Variants in TNFRSF10B observed in about 807,000 individuals in gnomAD.
TNFRSF10B encodes the protein tumor necrosis factor receptor superfamily member 10B.
Under a neutral mutation model 41.4 loss-of-function variants are expected in TNFRSF10B, and 35 were observed. The observed-to-expected ratio is 0.85, with a 90% CI of 0.65 to 1.12. The LOEUF (loss-of-function observed/expected upper bound fraction) is 1.12. Ranked by LOEUF, TNFRSF10B falls within the 50% of genes most tolerant of loss-of-function variation. TNFRSF10B has a pLI of 0.00. For synonymous variants in TNFRSF10B, 230 were observed against 215.5 expected (o/e 1.07, Z -0.59); for missense variants, 584 against 552.7 (o/e 1.06, Z -0.57).
intron 1 of TNFRSF10B, among the ~76,000 whole-genome samples, chr8:23,061,707 C>T (rs904205582): frequency 1.3e-5 from 2 of 152,088 alleles, no homozygotes; most frequent in African/African-American, 4.8e-5. Context: ...TGGAAGTTTT[C>T]TTCTATTCTT....
intron 1 of TNFRSF10B, among the ~76,000 whole-genome samples, chr8:23,064,887 C>A (rs934306675): frequency 6.6e-6 from 1 of 152,122 alleles, no homozygotes; most frequent in Non-Finnish European, 1.5e-5. Flanking sequence ...CTGATTAGTA[C>A]GATCATTACC....
At chr8:23,055,426 C>T (rs571195277) in intron 1 of TNFRSF10B, among the ~76,000 whole-genome samples, 21 of 150,908 alleles carry the variant, frequency 1.4e-4, no homozygotes, top group African/African-American at 5.1e-4. Context: ...CGCAAATTGA[C>T]AGTGGGGATT....
At chr8:23,043,390 G>A in intron 1 of TNFRSF10B, 147 bp from the exon 2 acceptor site, 1 of 659,318 alleles carries the variant, frequency 1.5e-6, no homozygotes, top group Non-Finnish European at 2.7e-6. Flanking sequence ...ATCCTTTAGT[G>A]TTTGTTTGTC....
rs1339083049 is a variant in TNFRSF10B at position 23,021,967 on chromosome 8, A to G, written c.*704T>C. On this transcript the variant is annotated 3_prime_UTR_variant, in exon 9 of 9. Transcript: ENST00000276431. ...TAATAACATACAGAATTATAAAAGT[A>G]GAAAGGTAAGGCCAAGCATGGGGGC... The G allele has an allele frequency of 2.2e-6, 1 of 452,240 alleles. No individual in the cohort carries two copies. Among genetic ancestry groups the G allele is most frequent in the Non-Finnish European group, 4.4e-6 (1 of 225,540 alleles). 28.0% of individuals were successfully genotyped at this position (452,240 alleles called of 1,614,324 possible). A position where few individuals can be genotyped will look rare whatever the true frequency, so the allele number is the denominator to read the frequency against.
chr8:23,047,893 A>G (rs1277671496), intron 1 of TNFRSF10B, among the ~76,000 whole-genome samples: 1 of 152,232 alleles, frequency 6.6e-6, no homozygotes, highest in Non-Finnish European at 1.5e-5. Flanking sequence ...TATCAAGGAG[A>G]TATCTGCACT....
chr8:23,067,484 A>T (rs892175280), intron 1 of TNFRSF10B, among the ~76,000 whole-genome samples: 1 of 152,062 alleles, frequency 6.6e-6, no homozygotes, highest in African/African-American at 2.4e-5. Flanking sequence ...AAACCAAATC[A>T]CTGCAAACCA....
At position 23,027,703 on chromosome 8, in the gene TNFRSF10B, C is replaced by T; in HGVS notation, c.780+19G>A. On this transcript the variant is annotated intron_variant, in intron 6 of 8. Coordinates refer to ENST00000276431, the MANE Select transcript of TNFRSF10B (RefSeq NM_003842.5). ...TTCCTGAACCCCTGAGCCCCCAGCT[C>T]CTGGAGAAATCAACTCACTCTGTCC... 1 of 1,614,086 alleles carries T rather than the reference C, an allele frequency of 6.2e-7. No homozygotes were observed. The highest frequency in any genetic ancestry group is 8.5e-7 in the Non-Finnish European group (1 of 1,179,982).
Position 23,027,153 on chromosome 8 carries a change from CG to C in TNFRSF10B, c.915del (p.Glu307SerfsTer32). ...CTCACCAGCAGATGCTCTGACTCCC[CG>C]GGGGACAACATGTTGACACCTGTTG... is the stretch of plus-strand genomic sequence containing the variant. ...AEPTGVNMLS[P>X]GESEHLLEPA... On this transcript the variant is annotated frameshift_variant, in exon 7 of 9. Coordinates refer to ENST00000276431, the MANE Select transcript of TNFRSF10B (RefSeq NM_003842.5). LOFTEE classifies it high-confidence loss of function. 6.2e-7 allele frequency: 1 copy of C among 1,614,154 alleles called. No homozygotes were observed. Among genetic ancestry groups the C allele is most frequent in the Non-Finnish European group, 8.5e-7 (1 of 1,180,020 alleles).
At chr8:23,049,261 G>C (rs1473614876) in intron 1 of TNFRSF10B, among the ~76,000 whole-genome samples, 1 of 152,140 alleles carries the variant, frequency 6.6e-6, no homozygotes, top group African/African-American at 2.4e-5. Flanking sequence ...ATAAAGGCTG[G>C]GATGTAACAA....
intron 7 of TNFRSF10B, among the ~76,000 whole-genome samples, chr8:23,024,639 C>A (rs1811647495): frequency 6.6e-6 from 1 of 152,022 alleles, no homozygotes; most frequent in Non-Finnish European, 1.5e-5. Flanking sequence ...CCTGCCTCAG[C>A]CTCCCAAGTA....
At chr8:23,056,849 A>G (rs1336504533) in intron 1 of TNFRSF10B, among the ~76,000 whole-genome samples, 2 of 152,040 alleles carry the variant, frequency 1.3e-5, no homozygotes, top group African/African-American at 2.4e-5. Flanking sequence ...AATTTCATTG[A>G]GATCAGAGAA....
At chr8:23,048,376 C>T (rs1812423161) in intron 1 of TNFRSF10B, among the ~76,000 whole-genome samples, 1 of 146,130 alleles carries the variant, frequency 6.8e-6, no homozygotes, top group Non-Finnish European at 1.5e-5. Flanking sequence ...GCGGAGGTTG[C>T]AGTGAGCTGA....
intron 5 of TNFRSF10B, 93 bp downstream of exon 5, chr8:23,028,238 T>A: frequency 2.5e-6 from 4 of 1,575,194 alleles, no homozygotes; most frequent in East Asian, 2.2e-5. Flanking sequence ...CACTTAGACT[T>A]GGGGCAGGGG....
intron 1 of TNFRSF10B, among the ~76,000 whole-genome samples, chr8:23,046,573 C>A: frequency 7.0e-6 from 1 of 143,304 alleles, no homozygotes. Flanking sequence ...TATCATTTTT[C>A]ATAGAAATAG....
At chr8:23,046,993 A>G (rs1812383525) in intron 1 of TNFRSF10B, among the ~76,000 whole-genome samples, 1 of 152,240 alleles carries the variant, frequency 6.6e-6, no homozygotes, top group Non-Finnish European at 1.5e-5. Context: ...ACCTTAAACT[A>G]TTAAACTGCT....
At chr8:23,031,375 C>CGATTTATT (rs71546843) in intron 2 of TNFRSF10B, among the ~76,000 whole-genome samples, 1 of 140,484 alleles carries the variant, frequency 7.1e-6, no homozygotes, top group Non-Finnish European at 1.5e-5. Flanking sequence ...TGCACCCGGC[C>CGATTTATT]TATTTATTTA....
intron 1 of TNFRSF10B, among the ~76,000 whole-genome samples, chr8:23,062,174 A>C (rs1423774415): frequency 1.3e-5 from 2 of 152,114 alleles, no homozygotes; most frequent in African/African-American, 4.8e-5. Flanking sequence ...ATAGTATTGA[A>C]GAATCAATGT....
intron 1 of TNFRSF10B, among the ~76,000 whole-genome samples, chr8:23,063,418 G>C (rs946725646): frequency 1.7e-4 from 26 of 150,578 alleles, no homozygotes; most frequent in African/African-American, 5.9e-4. Context: ...TTAGCATTTT[G>C]TGTACTGCAG....
intron 1 of TNFRSF10B, among the ~76,000 whole-genome samples, chr8:23,052,438 A>G (rs1812550092): frequency 6.6e-6 from 1 of 152,078 alleles, no homozygotes; most frequent in South Asian, 2.1e-4. Flanking sequence ...GGTGCCCACC[A>G]CCACGCCTGG....
Sources: allele counts gnomAD v4.1 joint callset (sites outside exome capture counted in the v4.1 genomes callset), GRCh38; gene constraint gnomAD v4.1.1; transcripts MANE v1.5; gene names NCBI Gene and HGNC (gene_info 2026-07-23, HGNC 2026-07-21).